The following LARGE1 variants were observed in gnomAD, a reference collection of about 807,000 sequenced individuals.
LARGE1 encodes LARGE xylosyl- and glucuronyltransferase 1, also known as xylosyl- and glucuronyltransferase LARGE1.
In LARGE1, 43 loss-of-function variants were observed where a neutral mutation model predicts 87.6. The ratio of observed to expected loss-of-function variants is 0.49; its 90% CI spans 0.38 to 0.63. LARGE1 has a LOEUF of 0.63. LARGE1 is among the 30% of genes least tolerant of loss of function. The pLI is 0.00. For synonymous variants in LARGE1, 434 were observed against 394.6 expected, an observed-to-expected ratio of 1.10 and a Z score of -1.18; for missense variants, 802 against 1,000.2, an observed-to-expected ratio of 0.80 and a Z score of 2.67.
At chr22:33,470,923 A>T (rs956011851) in intron 6 of LARGE1, among the ~76,000 whole-genome samples, 7 of 152,196 alleles carry the variant, frequency 4.6e-5, no homozygotes, top group Admixed American at 4.6e-4. Flanking sequence ...CTTCTGTCAA[A>T]TAGGGATATT....
intron 6 of LARGE1, among the ~76,000 whole-genome samples, chr22:33,480,350 T>G (rs1028901881): frequency 2.6e-5 from 4 of 152,186 alleles, no homozygotes; most frequent in African/African-American, 9.7e-5. Flanking sequence ...TTTTATGGGT[T>G]TTTCCATCCA....
At chr22:33,670,502 C>T (rs1463210662) in intron 2 of LARGE1, among the ~76,000 whole-genome samples, 1 of 151,854 alleles carries the variant, frequency 6.6e-6, no homozygotes, top group Non-Finnish European at 1.5e-5. Flanking sequence ...TGCCAAGGTG[C>T]CCCAGGGTGC....
At chr22:33,184,930 G>A (rs1193398151) in intron 11 of LARGE1, among the ~76,000 whole-genome samples, 1 of 152,136 alleles carries the variant, frequency 6.6e-6, no homozygotes, top group Non-Finnish European at 1.5e-5. Flanking sequence ...AGGATGTGAA[G>A]CAACGGGAAC....
intron 1 of LARGE1, among the ~76,000 whole-genome samples, chr22:33,806,138 C>T (rs2086302144): frequency 6.6e-6 from 1 of 150,676 alleles, no homozygotes; most frequent in Admixed American, 6.6e-5. Context: ...AATATATGTT[C>T]TGTCTCCATA....
chr22:33,591,304 GAC>G (rs1425839823), intron 5 of LARGE1, among the ~76,000 whole-genome samples: 1 of 152,204 alleles, frequency 6.6e-6, no homozygotes, highest in Non-Finnish European at 1.5e-5. Context: ...CATCCTCACT[GAC>G]ACTTTGTATT....
chr22:33,188,980 C>T (rs192345768), intron 11 of LARGE1, among the ~76,000 whole-genome samples: 223 of 152,110 alleles, frequency 1.5e-3, no homozygotes, highest in Non-Finnish European at 6.0e-4. Flanking sequence ...CTTCAGTGAT[C>T]GTGGACACAA....
chr22:33,602,362 T>C (rs373278057), intron 5 of LARGE1, among the ~76,000 whole-genome samples: 18 of 152,260 alleles, frequency 1.2e-4, no homozygotes, highest in East Asian at 5.8e-4. Flanking sequence ...ACCACTGTGA[T>C]TGTACCACAT....
chr22:33,312,853 C>T (rs962630470), intron 11 of LARGE1, among the ~76,000 whole-genome samples: 2 of 152,116 alleles, frequency 1.3e-5, no homozygotes, highest in Admixed American at 6.6e-5. Flanking sequence ...ACTATAAATG[C>T]CATGGAGGAG....
chr22:33,595,634 A>T (rs1408293070), intron 5 of LARGE1, among the ~76,000 whole-genome samples: 2 of 152,256 alleles, frequency 1.3e-5, no homozygotes, highest in African/African-American at 4.8e-5. Flanking sequence ...GATTACTGAG[A>T]AGAAGAGAGG....
At chr22:33,908,480 AG>A (rs1370224302) in intron 1 of LARGE1, among the ~76,000 whole-genome samples, 2 of 150,386 alleles carry the variant, frequency 1.3e-5, no homozygotes, top group Admixed American at 1.3e-4. Flanking sequence ...TGACAGGTCT[AG>A]GGGGAAAAAA....
At chr22:33,746,158 C>T (rs2084076168) in intron 2 of LARGE1, among the ~76,000 whole-genome samples, 1 of 152,170 alleles carries the variant, frequency 6.6e-6, no homozygotes, top group Admixed American at 6.5e-5. Context: ...AGGAGAATGG[C>T]GTGAACCCGG....
At chr22:33,701,014 T>A (rs1186809715) in intron 2 of LARGE1, among the ~76,000 whole-genome samples, 1 of 152,168 alleles carries the variant, frequency 6.6e-6, no homozygotes, top group Non-Finnish European at 1.5e-5. Context: ...ATGGATTTCC[T>A]GGGATCTTGT....
chr22:33,450,689 C>T (rs2067878274), intron 6 of LARGE1, among the ~76,000 whole-genome samples: 1 of 152,166 alleles, frequency 6.6e-6, no homozygotes, highest in Admixed American at 6.5e-5. Context: ...AACCTTAATA[C>T]TCATTTAGTC....
At chr22:33,816,202 C>T (rs2086642113) in intron 1 of LARGE1, among the ~76,000 whole-genome samples, 1 of 152,198 alleles carries the variant, frequency 6.6e-6, no homozygotes, top group Non-Finnish European at 1.5e-5. Flanking sequence ...CAGGGCAGGA[C>T]AGCATCTGGA....
In LARGE1 at chr22:33,304,438, G is replaced by A. The variant is rs1312649028; in HGVS notation, c.1521C>T (p.Asp507=). 8.7e-6 allele frequency: 14 copies of A among 1,614,086 alleles called. No homozygotes were observed. The highest frequency in any genetic ancestry group is 1.7e-4 in the Middle Eastern group (1 of 6,022). Residue 507 remains aspartate (D), a synonymous_variant, in exon 12 of 15, where the codon GAC becomes GAT. Transcript: ENST00000397394. ...AGCGGAGGAACTGCTGGGCCTCGGC[G>A]TCTGACAGGTAGAGGGCCAGGCTGA... ...GPISLALYLS[D]AEAQQFLRYA...
intron 7 of LARGE1, among the ~76,000 whole-genome samples, chr22:33,395,644 C>T (rs954425670): frequency 6.6e-6 from 1 of 152,142 alleles, no homozygotes; most frequent in Non-Finnish European, 1.5e-5. Context: ...TTGGGTTGGT[C>T]AATTCAGACC....
chr22:33,679,468 GCACACACACA>G (rs113355241), intron 2 of LARGE1, among the ~76,000 whole-genome samples: 279 of 147,590 alleles, frequency 1.9e-3, no homozygotes, highest in Middle Eastern at 3.5e-3. Flanking sequence ...ACACACACAC[GCACACACACA>G]CACACACACA....
intron 1 of LARGE1, among the ~76,000 whole-genome samples, chr22:33,830,501 T>C (rs1446806181): frequency 1.3e-5 from 2 of 152,198 alleles, no homozygotes; most frequent in East Asian, 3.9e-4. Context: ...CTGCTACTTA[T>C]CAGCTGTGTG....
chr22:33,551,307 G>A (rs2077516094), intron 6 of LARGE1, among the ~76,000 whole-genome samples: 1 of 152,212 alleles, frequency 6.6e-6, no homozygotes, highest in South Asian at 2.1e-4. Flanking sequence ...GCAGGCCACT[G>A]TGCAGAGATA....
Sources: allele counts gnomAD v4.1 joint callset (sites outside exome capture counted in the v4.1 genomes callset), GRCh38; gene constraint gnomAD v4.1.1; transcripts MANE v1.5; gene names NCBI Gene and HGNC (gene_info 2026-07-23, HGNC 2026-07-21).